Variants in NKAIN2 observed in about 807,000 individuals in gnomAD.
NKAIN2 encodes sodium/potassium transporting ATPase interacting 2.
A neutral mutation model predicts 32.6 loss-of-function variants in NKAIN2; 14 were observed. The ratio of observed to expected loss-of-function variants is 0.43; its 90% confidence interval spans 0.28 to 0.67. The LOEUF (loss-of-function observed/expected upper bound fraction) is 0.67, where lower values mean the gene tolerates loss of function less well. Among genes scored for constraint, NKAIN2 ranks in the 30% least tolerant of loss-of-function variants. The pLI is 0.17. For missense variants in NKAIN2, 198 were observed against 258.3 expected (o/e 0.77, Z 1.60); for synonymous variants, 80 against 87.2 (o/e 0.92, Z 0.46).
intron 1 of NKAIN2, among the ~76,000 whole-genome samples, chr6:124,107,601 T>C (rs571599441): frequency 3.5e-4 from 53 of 152,248 alleles, no homozygotes; most frequent in African/African-American, 1.3e-3. Flanking sequence ...CAGTACAGTG[T>C]TGTTAACTAT....
chr6:124,056,926 CTG>C (rs1013428415), intron 1 of NKAIN2, among the ~76,000 whole-genome samples: 10 of 151,996 alleles, frequency 6.6e-5, no homozygotes, highest in Admixed American at 2.0e-4. Flanking sequence ...TCTCTGGAAA[CTG>C]TTATGGCTTT....
rs983262369 is a variant in NKAIN2, at chr6:124,419,850, T to A, written c.273+64503T>A. On this transcript the variant is annotated intron_variant, in intron 3 of 6. Transcript: ENST00000368417. ...ACCTTAATTGTGATGTCTTTGTAGT[T>A]ATAATATCTTTAACTACAAATACAA... Among the ~76,000 whole-genome samples the A allele has an allele frequency of 2.6e-5, 4 of 152,216 alleles. No individual in the cohort carries two copies. The South Asian group carries it at 8.3e-4, about 32-fold the overall frequency.
chr6:124,548,529 T>C (rs972895807), intron 3 of NKAIN2, among the ~76,000 whole-genome samples: 3 of 152,140 alleles, frequency 2.0e-5, no homozygotes, highest in Non-Finnish European at 4.4e-5. Flanking sequence ...CAGCACTCAT[T>C]GCGAAGGAGA....
intron 4 of NKAIN2, among the ~76,000 whole-genome samples, chr6:124,705,922 C>T (rs1775037976): frequency 1.3e-5 from 2 of 152,080 alleles, no homozygotes; most frequent in Admixed American, 6.6e-5. Flanking sequence ...AGAATGTAGA[C>T]TTCACCAAAT....
intron 1 of NKAIN2, among the ~76,000 whole-genome samples, chr6:123,909,472 C>T (rs777381151): frequency 3.3e-5 from 5 of 152,206 alleles, no homozygotes; most frequent in African/African-American, 7.2e-5. Context: ...CTCTGAGTCT[C>T]GCCATGTGTG....
chr6:123,814,844 C>T (rs1562195993), intron 1 of NKAIN2, among the ~76,000 whole-genome samples: 1 of 152,066 alleles, frequency 6.6e-6, no homozygotes, highest in Non-Finnish European at 1.5e-5. Context: ...ACGTGCAGGC[C>T]CTGCCCTGGA....
chr6:124,061,583 T>C (rs1782920048), intron 1 of NKAIN2, among the ~76,000 whole-genome samples: 1 of 152,070 alleles, frequency 6.6e-6, no homozygotes, highest in Admixed American at 6.6e-5. Context: ...TGCAGAACTG[T>C]TCAAATATTC....
intron 1 of NKAIN2, among the ~76,000 whole-genome samples, chr6:124,076,721 C>A (rs375831585): frequency 5.9e-5 from 9 of 152,168 alleles, no homozygotes; most frequent in African/African-American, 2.2e-4. Context: ...CATGAGTTTG[C>A]GGTCAAGAAA....
chr6:124,067,032 A>T (rs1018521531), intron 1 of NKAIN2, among the ~76,000 whole-genome samples: 1 of 152,106 alleles, frequency 6.6e-6, no homozygotes, highest in Admixed American at 6.6e-5. Context: ...GAAATGTGAC[A>T]GAGGTATCTT....
chr6:124,385,906 A>T (rs965935034), intron 3 of NKAIN2, among the ~76,000 whole-genome samples: 58 of 151,744 alleles, frequency 3.8e-4, no homozygotes, highest in African/African-American at 1.4e-3. Flanking sequence ...AAAAATAAAA[A>T]ATATAGACTT....
At position 124,595,389 on chromosome 6, in the gene NKAIN2, G is replaced by A. The variant is rs770803331; in HGVS notation, c.274-62797G>A. ...CCATTTTCACAGACCCTGCCTGCTC[G>A]GTCCTTGGGCTAACATTGCAGAACC... is the stretch of plus-strand genomic sequence containing the variant. On this transcript the variant is annotated intron_variant, in intron 3 of 6. Coordinates refer to ENST00000368417, the MANE Select transcript of NKAIN2 (RefSeq NM_001040214.3). Among the ~76,000 whole-genome samples the A allele has an allele frequency of 3.0e-4, 45 of 152,094 alleles. 1 individual carries two copies. The highest frequency in any genetic ancestry group is 1.2e-4 in the Non-Finnish European group (8 of 68,006).
intron 3 of NKAIN2, among the ~76,000 whole-genome samples, chr6:124,474,481 AGTATTACTGGTAGTT>A (rs967517553): frequency 4.6e-5 from 7 of 152,076 alleles, no homozygotes; most frequent in Non-Finnish European, 7.4e-5. Flanking sequence ...CTGCACTTTA[AGTATTACTGGTAGTT>A]GTGCTCAGGA....
chr6:123,962,828 G>A (rs1394540575), intron 1 of NKAIN2, among the ~76,000 whole-genome samples: 1 of 152,156 alleles, frequency 6.6e-6, no homozygotes, highest in African/African-American at 2.4e-5. Flanking sequence ...AACGCTGTAC[G>A]TACAGCTTGC....
intron 1 of NKAIN2, among the ~76,000 whole-genome samples, chr6:123,892,592 G>T (rs1774074479): frequency 6.6e-6 from 1 of 151,996 alleles, no homozygotes; most frequent in African/African-American, 2.4e-5. Context: ...TGAGATTTGG[G>T]TGGGGACACA....
chr6:123,809,362 A>G (rs1773355880), intron 1 of NKAIN2, among the ~76,000 whole-genome samples: 1 of 152,154 alleles, frequency 6.6e-6, no homozygotes, highest in Non-Finnish European at 1.5e-5. Flanking sequence ...CAATGATAGA[A>G]TAAGTACTCT....
chr6:124,429,351 A>AT (rs1244642080), intron 3 of NKAIN2, among the ~76,000 whole-genome samples: 3 of 151,658 alleles, frequency 2.0e-5, no homozygotes, highest in Admixed American at 6.6e-5. Flanking sequence ...CCTGGCCCAT[A>AT]TTTTTTCTTT....
chr6:124,784,363 T>TA (rs1779408863), intron 4 of NKAIN2, among the ~76,000 whole-genome samples: 1 of 152,176 alleles, frequency 6.6e-6, no homozygotes, highest in African/African-American at 2.4e-5. Context: ...ATTGCCTTTT[T>TA]ACGGCCACAT....
intron 1 of NKAIN2, among the ~76,000 whole-genome samples, chr6:123,913,697 G>T (rs968194838): frequency 2.0e-5 from 3 of 152,020 alleles, no homozygotes; most frequent in Admixed American, 2.0e-4. Flanking sequence ...TGTATCCTGA[G>T]ATTTATATCA....
At chr6:124,109,652 G>T (rs1785279928) in intron 1 of NKAIN2, among the ~76,000 whole-genome samples, 1 of 152,098 alleles carries the variant, frequency 6.6e-6, no homozygotes, top group African/African-American at 2.4e-5. Context: ...TATTCTGAAA[G>T]AAGTGGTGAG....
Sources: gnomAD v4.1 joint callset for allele counts (sites outside exome capture counted in the v4.1 genomes callset) on GRCh38, gnomAD v4.1.1 for gene constraint, MANE v1.5 for transcripts, NCBI Gene and HGNC (gene_info 2026-07-23, HGNC 2026-07-21) for gene names.